The following DPYD variants were observed in gnomAD, a reference collection of about 807,000 sequenced individuals.
The protein encoded by DPYD is dihydropyrimidine dehydrogenase.
A neutral mutation model predicts 116.2 loss-of-function variants in DPYD; 109 were observed. The observed-to-expected ratio is 0.94, with a 90% confidence interval of 0.80 to 1.10. The LOEUF (loss-of-function observed/expected upper bound fraction) is 1.10, where lower values mean the gene tolerates loss of function less well. Among genes scored for constraint, DPYD ranks in the 50% least tolerant of loss-of-function variants. The pLI is 0.00. For synonymous variants in DPYD, 440 were observed against 432.0 expected, an observed-to-expected ratio of 1.02 and a Z score of -0.23; for missense variants, 1,302 against 1,254.5, an observed-to-expected ratio of 1.04 and a Z score of -0.57.
chr1:97,657,912 A>G (rs1659033668), intron 8 of DPYD, among the ~76,000 whole-genome samples: 1 of 152,206 alleles, frequency 6.6e-6, no homozygotes, highest in Non-Finnish European at 1.5e-5. Flanking sequence ...AATAATCATT[A>G]AAGCAAACAG....
intron 8 of DPYD, among the ~76,000 whole-genome samples, chr1:97,650,502 A>C (rs1419168618): frequency 6.6e-6 from 1 of 152,170 alleles, no homozygotes; most frequent in African/African-American, 2.4e-5. Context: ...ACACAATTTG[A>C]AATTTTCAAA....
At chr1:97,644,596 C>CTTGTTTT (rs1168919978) in intron 8 of DPYD, among the ~76,000 whole-genome samples, 5 of 150,586 alleles carry the variant, frequency 3.3e-5, no homozygotes, top group Non-Finnish European at 7.4e-5. Flanking sequence ...ACACAGCTAG[C>CTTGTTTT]TTGTTTTTTG....
chr1:97,176,868 A>ATGTGTGTGTGTGTGTGTGTGTGTGTGTG (rs10677535), intron 20 of DPYD, among the ~76,000 whole-genome samples: 24 of 146,680 alleles, frequency 1.6e-4, no homozygotes, highest in Non-Finnish European at 1.7e-4. Flanking sequence ...GGACAAAAAA[A>ATGTGTGTGTGTGTGTGTGTGTGTGTGTG]TGTGTGTGTG....
chr1:97,080,303 T>C (rs1424160087), intron 22 of DPYD, among the ~76,000 whole-genome samples: 1 of 152,084 alleles, frequency 6.6e-6, no homozygotes, highest in Non-Finnish European at 1.5e-5. Flanking sequence ...TTTCAAGGAA[T>C]TGCATTATTT....
intron 3 of DPYD, among the ~76,000 whole-genome samples, chr1:97,825,375 G>GC (rs1193843795): frequency 6.6e-6 from 1 of 151,940 alleles, no homozygotes; most frequent in Non-Finnish European, 1.5e-5. Flanking sequence ...ATGGTGAAAG[G>GC]CCCCCCAACA....
At chr1:97,104,943 T>C (rs1429022657) in intron 20 of DPYD, among the ~76,000 whole-genome samples, 1 of 152,106 alleles carries the variant, frequency 6.6e-6, no homozygotes, top group Non-Finnish European at 1.5e-5. Flanking sequence ...TTCTGCTAAG[T>C]GCTGTGCAGG....
chr1:97,367,436 TTAGC>T (rs1227222887), intron 16 of DPYD, among the ~76,000 whole-genome samples: 115 of 152,300 alleles, frequency 7.6e-4, no homozygotes, highest in Non-Finnish European at 2.9e-5. Context: ...TTATTCTTGC[TTAGC>T]TAAATCGTCA....
chr1:97,714,063 T>C (rs961320167), intron 5 of DPYD, among the ~76,000 whole-genome samples: 1 of 152,156 alleles, frequency 6.6e-6, no homozygotes, highest in Non-Finnish European at 1.5e-5. Flanking sequence ...ATTGATCAGT[T>C]TGTCAAACTG....
At chr1:97,841,570 G>T (rs1670037022) in intron 2 of DPYD, among the ~76,000 whole-genome samples, 1 of 151,986 alleles carries the variant, frequency 6.6e-6, no homozygotes, top group African/African-American at 2.4e-5. Flanking sequence ...AATCTTCAAT[G>T]CTATGACAGC....
intron 8 of DPYD, among the ~76,000 whole-genome samples, chr1:97,678,091 C>A (rs527518807): frequency 6.6e-6 from 1 of 152,032 alleles, no homozygotes; most frequent in Non-Finnish European, 1.5e-5. Context: ...TTCCATGGAC[C>A]GGGTTGGAGA....
intron 8 of DPYD, among the ~76,000 whole-genome samples, chr1:97,653,806 C>A (rs935466483): frequency 1.4e-4 from 22 of 152,074 alleles, no homozygotes; most frequent in African/African-American, 5.3e-4. Flanking sequence ...CGATAAAATT[C>A]TATCCTTCCA....
At chr1:97,432,913 T>C (rs1675262297) in intron 14 of DPYD, among the ~76,000 whole-genome samples, 1 of 152,172 alleles carries the variant, frequency 6.6e-6, no homozygotes. Context: ...AGAAAGACTC[T>C]AGAATCTCTT....
chr1:97,538,488 C>T lies in DPYD; in HGVS notation c.1524+11072G>A, dbSNP rs576828891. Among the ~76,000 whole-genome samples, 5 of 152,252 alleles carry T rather than the reference C, an allele frequency of 3.3e-5. No homozygotes were observed. The South Asian group carries it at 1.0e-3, about 32-fold the overall frequency. Reference sequence around the variant, plus strand: ...CCAATCCCCTGAGATACTTAGTTCCCTCAACCACTAGTGATTTTTTTTGTG... The same window carrying T: ...CCAATCCCCTGAGATACTTAGTTCCTTCAACCACTAGTGATTTTTTTTGTG... On this transcript the variant is annotated intron_variant, in intron 12 of 22. Coordinates refer to ENST00000370192, the MANE Select transcript of DPYD (RefSeq NM_000110.4).
rs1431713621 is a variant in DPYD at position 97,234,769 on chromosome 1, A to T, written c.2442+83T>A. ...TCCTTTTCAAGAGGCCCAAAAACGA[A>T]TCTATTTTTTTTTTGTCACATAACT... On this transcript the variant is annotated intron_variant, in intron 19 of 22. Coordinates refer to ENST00000370192, the MANE Select transcript of DPYD (RefSeq NM_000110.4). 9.6e-6 allele frequency: 15 copies of T among 1,570,308 alleles called. No homozygotes were observed. In the East Asian group the frequency reaches 3.4e-4, roughly 36 times the overall value.
intron 4 of DPYD, among the ~76,000 whole-genome samples, chr1:97,736,046 C>T (rs1663923241): frequency 6.6e-6 from 1 of 151,940 alleles, no homozygotes; most frequent in South Asian, 2.1e-4. Context: ...TATTTCCCAA[C>T]ATGATGAAAG....
chr1:97,755,986 A>T (rs560388464), intron 3 of DPYD, among the ~76,000 whole-genome samples: 31 of 152,134 alleles, frequency 2.0e-4, no homozygotes, highest in Non-Finnish European at 4.1e-4. Context: ...GAAAACTGTA[A>T]AACAGGGACT....
chr1:97,835,507 T>C (rs1669727249), intron 2 of DPYD, among the ~76,000 whole-genome samples: 1 of 152,098 alleles, frequency 6.6e-6, no homozygotes, highest in African/African-American at 2.4e-5. Flanking sequence ...TTAAGTAATA[T>C]TTTAGTACTT....
chr1:97,797,255 A>G (rs577148908), intron 3 of DPYD: 4 of 152,300 alleles, frequency 2.6e-5, no homozygotes, highest in Admixed American at 6.5e-5. Context: ...ATATGCTTCA[A>G]TGAAAAGCAG....
intron 14 of DPYD, among the ~76,000 whole-genome samples, chr1:97,419,570 C>T (rs752491561): frequency 9.9e-5 from 15 of 151,166 alleles, no homozygotes; most frequent in Non-Finnish European, 1.6e-4. Context: ...GAATTGAATA[C>T]GATGAGACAA....
Sources: gnomAD v4.1 joint callset for allele counts (sites outside exome capture counted in the v4.1 genomes callset) on GRCh38, gnomAD v4.1.1 for gene constraint, MANE v1.5 for transcripts, NCBI Gene and HGNC (gene_info 2026-07-23, HGNC 2026-07-21) for gene names.